Variants in RYR3 observed in about 807,000 individuals in gnomAD.
RYR3 encodes brain ryanodine receptor-calcium release channel.
Under a neutral mutation model 584.3 loss-of-function variants are expected in RYR3, and 207 were observed. That is an observed-to-expected ratio of 0.35 (90% CI 0.32 to 0.40). The LOEUF (loss-of-function observed/expected upper bound fraction) is 0.40, where lower values mean the gene tolerates loss of function less well. Ranked by LOEUF, RYR3 falls within the 10% of genes least tolerant of loss-of-function variation. The pLI is 1.00. For missense variants in RYR3, 5,616 were observed against 6,089.2 expected, an observed-to-expected ratio of 0.92 and a Z score of 2.59; for synonymous variants, 2,416 against 2,248.5, an observed-to-expected ratio of 1.07 and a Z score of -2.11.
intron 1 of RYR3, among the ~76,000 whole-genome samples, chr15:33,448,339 T>A: frequency 6.6e-6 from 1 of 152,224 alleles, no homozygotes; most frequent in East Asian, 1.9e-4. Flanking sequence ...AGCAGGATAA[T>A]ACCTTTTGCC....
At chr15:33,619,536 T>C (rs1165954120) in intron 19 of RYR3, among the ~76,000 whole-genome samples, 2 of 152,212 alleles carry the variant, frequency 1.3e-5, no homozygotes, top group Non-Finnish European at 2.9e-5. Flanking sequence ...TTATTGCTTC[T>C]TCTTCTACCC....
At chr15:33,425,041 C>G (rs934894286) in intron 1 of RYR3, among the ~76,000 whole-genome samples, 1 of 152,186 alleles carries the variant, frequency 6.6e-6, no homozygotes, top group African/African-American at 2.4e-5. Flanking sequence ...GGAAGAGTTT[C>G]CACATCTTGA....
At chr15:33,643,198 G>A (rs1434992237) in intron 27 of RYR3, among the ~76,000 whole-genome samples, 1 of 152,076 alleles carries the variant, frequency 6.6e-6, no homozygotes, top group African/African-American at 2.4e-5. Flanking sequence ...ACTTTCTTCT[G>A]TAGGGAACTC....
rs1890139715 is a variant in RYR3 at position 33,865,324 on chromosome 15, TTCTAAATGCCTCC to T, written c.*99_*111del. The T allele has an allele frequency of 1.2e-6, 1 of 821,072 alleles. No individual in the cohort carries two copies. The highest frequency in any genetic ancestry group is 1.9e-6 in the Non-Finnish European group (1 of 520,124). 50.9% of individuals were successfully genotyped at this position (821,072 alleles called of 1,614,324 possible). A position where few individuals can be genotyped will look rare whatever the true frequency, so the allele number is the denominator to read the frequency against. On this transcript the variant is annotated 3_prime_UTR_variant, in exon 104 of 104. Coordinates refer to ENST00000634891, the MANE Select transcript of RYR3 (RefSeq NM_001036.6). ...TGCAACATATCTGAAATGTGACATT[TTCTAAATGCCTCC>T]CTTAAAAAAAAAACTGCTGAAAATC...
intron 2 of RYR3, among the ~76,000 whole-genome samples, chr15:33,484,138 T>G (rs954138661): frequency 1.3e-5 from 2 of 152,092 alleles, no homozygotes; most frequent in African/African-American, 4.8e-5. Flanking sequence ...TCAATGAGTA[T>G]TCATTGCTCT....
At position 33,757,525 on chromosome 15, in the gene RYR3, C is replaced by A. The variant is rs1488184976; in HGVS notation, c.8634C>A (p.Phe2878Leu). Reference protein sequence around the residue: ...DQYFTSHCLYFLSSPLKPLSS... With the variant: ...DQYFTSHCLYLLSSPLKPLSS... The stretch of plus-strand genomic sequence containing the variant: ...ACTTCACCAGTCATTGCCTCTACTT[C>A]TTGTCATCCCCTCTGAAGCCCCTTA... The change falls in exon 60 of 104, where the codon TTC (phenylalanine) becomes TTA (leucine). Residue 2878 changes from phenylalanine (F) to leucine (L), a missense_variant. Transcript: ENST00000634891. 1.9e-6 allele frequency: 3 copies of A among 1,610,970 alleles called. No homozygotes were observed. Among genetic ancestry groups the A allele is most frequent in the Non-Finnish European group, 2.5e-6 (3 of 1,178,924 alleles).
In RYR3 at chr15:33,374,400, A is replaced by G. The variant is rs538868902; in HGVS notation, c.51+63304A>G. On this transcript the variant is annotated intron_variant, in intron 1 of 103. Transcript: ENST00000634891. ...TGTGTGTGTGTGTGTGTGTGTGTGT[A>G]TATATATCTCCACCCCCACCCACAC... Among the ~76,000 whole-genome samples, 585 of 135,108 alleles carry G rather than the reference A, an allele frequency of 4.3e-3. 3 individuals carry two copies. The highest frequency in any genetic ancestry group is 5.2e-3 in the Admixed American group (71 of 13,576). 88.6% of individuals were successfully genotyped at this position (135,108 alleles called of 152,430 possible).
chr15:33,414,941 G>A (rs2043689863), intron 1 of RYR3, among the ~76,000 whole-genome samples: 1 of 152,080 alleles, frequency 6.6e-6, no homozygotes, highest in South Asian at 2.1e-4. Flanking sequence ...TCATCTTTGT[G>A]CCTGATAACT....
intron 65 of RYR3, among the ~76,000 whole-genome samples, chr15:33,785,112 G>A (rs1002661714): frequency 2.0e-5 from 3 of 152,184 alleles, no homozygotes; most frequent in African/African-American, 7.2e-5. Flanking sequence ...GTCCACGTGC[G>A]ATGCTTTTCC....
chr15:33,682,744 C>T lies in RYR3; in HGVS notation c.5860+12188C>T, dbSNP rs146576289. Among the ~76,000 whole-genome samples, 433 of 152,218 alleles carry T rather than the reference C, an allele frequency of 2.8e-3. 3 individuals carry two copies. The highest frequency in any genetic ancestry group is 3.3e-3 in the Non-Finnish European group (222 of 68,018). ...TATATTGTAATCCCATGAACCGAAC[C>T]ATCGAGTGCACTTGGCAAGGCCTTC... On this transcript the variant is annotated intron_variant, in intron 38 of 103. Coordinates refer to ENST00000634891, the MANE Select transcript of RYR3 (RefSeq NM_001036.6).
At chr15:33,572,658 TACAC>T (rs57835355) in intron 12 of RYR3, among the ~76,000 whole-genome samples, 3 of 124,502 alleles carry the variant, frequency 2.4e-5, no homozygotes, top group East Asian at 2.2e-4. Flanking sequence ...AAACTATATA[TACAC>T]ACACACACAC....
intron 67 of RYR3, among the ~76,000 whole-genome samples, chr15:33,793,932 A>ATG (rs2075324948): frequency 6.9e-6 from 1 of 144,126 alleles, no homozygotes; most frequent in Non-Finnish European, 1.5e-5. Flanking sequence ...CTCTATATAT[A>ATG]TACATATATA....
At chr15:33,464,507 T>TACACATACATATACAC (rs2048331730) in intron 1 of RYR3, among the ~76,000 whole-genome samples, 12 of 121,032 alleles carry the variant, frequency 9.9e-5, no homozygotes, top group South Asian at 2.6e-4. Flanking sequence ...TATATATACA[T>TACACATACATATACAC]ACACATACAC....
chr15:33,682,866 G>A (rs930607819), intron 38 of RYR3, among the ~76,000 whole-genome samples: 22 of 152,170 alleles, frequency 1.4e-4, no homozygotes, highest in Admixed American at 2.6e-4. Flanking sequence ...GTGGGGTTAA[G>A]TGGTGTGCAC....
rs2059759104 is a variant in RYR3, at chr15:33,603,241, C to T, written c.2041C>T (p.Arg681Trp). ...CCTAACAGCAGAGCCCACACATCTG[C>T]GGGTGGGCTGGGCCTCTTCTTCAGG... The part of the protein sequence containing the change: ...PFLTAEPTHL[R>W]VGWASSSGYA... The change falls in exon 18 of 104, where the codon CGG (arginine) becomes TGG (tryptophan). Residue 681 changes from arginine to tryptophan, a missense_variant. Physicochemically the swap from Arg to Trp is moderately radical, Grantham distance 101. Transcript: ENST00000634891. 3.1e-6 allele frequency: 5 copies of T among 1,613,736 alleles called. No homozygotes were observed. The highest frequency in any genetic ancestry group is 4.2e-6 in the Non-Finnish European group (5 of 1,179,822).
At chr15:33,675,972 G>A (rs1324491062) in intron 38 of RYR3, among the ~76,000 whole-genome samples, 4 of 113,936 alleles carry the variant, frequency 3.5e-5, no homozygotes, top group Non-Finnish European at 8.8e-5. Flanking sequence ...ATGGTAGCCA[G>A]GATAATTGCC....
chr15:33,687,104 T>A (rs1410980708), intron 38 of RYR3, among the ~76,000 whole-genome samples: 1 of 152,190 alleles, frequency 6.6e-6, no homozygotes, highest in African/African-American at 2.4e-5. Context: ...GGGTATTCAA[T>A]TAGGAAAAGA....
intron 1 of RYR3, among the ~76,000 whole-genome samples, chr15:33,453,657 T>C (rs1211895481): frequency 6.6e-6 from 1 of 152,206 alleles, no homozygotes; most frequent in Non-Finnish European, 1.5e-5. Context: ...TTGGAAAATA[T>C]GCATGTGGAG....
rs1171773431 is a variant in RYR3, at chr15:33,706,939, C to A, written c.6504C>A (p.Gly2168=). ...GGCAGGTGGTGACCTACTTGGCAGG[C>A]TGTGGCCTACAGAGCTGCCCCATGC... ...DLEKVVTYLA[G]CGLQSCPMLL... is the part of the protein sequence containing the mutation. Residue 2168 remains glycine, a synonymous_variant, in exon 43 of 104, where the codon GGC becomes GGA. Coordinates refer to ENST00000634891, the MANE Select transcript of RYR3 (RefSeq NM_001036.6). 6.2e-7 allele frequency: 1 copy of A among 1,609,352 alleles called. No individual in the cohort carries two copies. The highest frequency in any genetic ancestry group is 1.1e-5 in the South Asian group (1 of 90,088).
Sources: allele counts gnomAD v4.1 joint callset (sites outside exome capture counted in the v4.1 genomes callset), GRCh38; gene constraint gnomAD v4.1.1; transcripts MANE v1.5; gene names NCBI Gene and HGNC (gene_info 2026-07-23, HGNC 2026-07-21).